The following SLAIN2 variants were observed in gnomAD, a reference collection of about 807,000 sequenced individuals.
SLAIN2 encodes the protein SLAIN family member 2.
A neutral mutation model predicts 56.6 loss-of-function variants in SLAIN2; 31 were observed. That is an observed-to-expected ratio of 0.55 (90% CI 0.41 to 0.74). The LOEUF is 0.74. Ranked by LOEUF, SLAIN2 falls within the 30% of genes least tolerant of loss-of-function variation. The pLI, the probability that SLAIN2 is intolerant of heterozygous loss-of-function variation, is 0.00. For missense variants in SLAIN2, 777 were observed against 754.2 expected, an observed-to-expected ratio of 1.03 and a Z score of -0.35; for synonymous variants, 317 against 284.9, an observed-to-expected ratio of 1.11 and a Z score of -1.13.
Position 48,421,995 on chromosome 4 carries a change from A to C in SLAIN2, c.1680-16A>C. On this transcript the variant is annotated splice_polypyrimidine_tract_variant and intron_variant, in intron 7 of 7. Transcript: ENST00000264313. ...GACATTTATCAAATTTTAATTACAA[A>C]ATTGCTTTATTACAGATCCTTGCCA... The C allele has an allele frequency of 6.3e-7, 1 of 1,587,818 alleles. No homozygotes were observed. The highest frequency in any genetic ancestry group is 8.6e-7 in the Non-Finnish European group (1 of 1,162,120).
At chr4:48,378,561 C>T (rs1715888398) in intron 3 of SLAIN2, among the ~76,000 whole-genome samples, 1 of 152,144 alleles carries the variant, frequency 6.6e-6, no homozygotes. Flanking sequence ...TATTGTGTAG[C>T]TTACTCTTCA....
chr4:48,345,251 G>T (rs772399288), intron 1 of SLAIN2, among the ~76,000 whole-genome samples: 26 of 152,128 alleles, frequency 1.7e-4, no homozygotes, highest in Non-Finnish European at 3.4e-4. Flanking sequence ...GACTACTGTG[G>T]TGTCACTGCT....
intron 2 of SLAIN2, among the ~76,000 whole-genome samples, chr4:48,373,323 A>G (rs1324997412): frequency 6.6e-6 from 1 of 152,154 alleles, no homozygotes. Flanking sequence ...GTGTTAACCA[A>G]TAACTTCCCA....
chr4:48,390,191 C>T (rs117894534), intron 6 of SLAIN2, among the ~76,000 whole-genome samples: 4,491 of 151,400 alleles, frequency 0.03, 74 homozygotes, highest in Admixed American at 0.046. Flanking sequence ...TCCCCTGCCT[C>T]AGCCTCCCTC....
At chr4:48,402,081 T>C (rs1716569823) in intron 6 of SLAIN2, among the ~76,000 whole-genome samples, 1 of 152,170 alleles carries the variant, frequency 6.6e-6, no homozygotes, top group Non-Finnish European at 1.5e-5. Context: ...TCTTAAGGAA[T>C]GTTGAATGTT....
At chr4:48,345,566 G>A (rs1050368715) in intron 1 of SLAIN2, among the ~76,000 whole-genome samples, 3 of 151,728 alleles carry the variant, frequency 2.0e-5, no homozygotes, top group Admixed American at 2.0e-4. Context: ...TGAGCCTGAA[G>A]TATCAACTTC....
intron 2 of SLAIN2, among the ~76,000 whole-genome samples, chr4:48,372,192 A>G (rs1342384465): frequency 1.3e-5 from 2 of 152,092 alleles, no homozygotes; most frequent in African/African-American, 4.8e-5. Context: ...TATAATAGGC[A>G]TTGTTCTCAA....
intron 1 of SLAIN2, among the ~76,000 whole-genome samples, chr4:48,350,228 C>T (rs1036953011): frequency 6.6e-6 from 1 of 152,136 alleles, no homozygotes; most frequent in African/African-American, 2.4e-5. Flanking sequence ...TGCTACTGCT[C>T]CTCAGTCCCC....
chr4:48,373,789 C>T lies in SLAIN2; in HGVS notation c.538+3792C>T, dbSNP rs191229050. Among the ~76,000 whole-genome samples the T allele has an allele frequency of 4.0e-3, 613 of 151,696 alleles. 4 individuals are homozygous for T. Among genetic ancestry groups the T allele is most frequent in the Non-Finnish European group, 6.7e-3 (455 of 68,020 alleles). On this transcript the variant is annotated intron_variant, in intron 2 of 7. Transcript: ENST00000264313. Reference sequence around the variant, plus strand: ...GGCGCAGTGGCTTACACCTGTAATCCCAGCACTTTGGGAGGCCAAGGTGGG... The same window carrying T: ...GGCGCAGTGGCTTACACCTGTAATCTCAGCACTTTGGGAGGCCAAGGTGGG...
In SLAIN2 at chr4:48,368,051, C is replaced by CTTT. The variant is rs36096623; in HGVS notation, c.390-1787_390-1785dup. Among the ~76,000 whole-genome samples, 6 of 88,848 alleles carry CTTT rather than the reference C, an allele frequency of 6.8e-5. 1 individual carries two copies. Among genetic ancestry groups the CTTT allele is most frequent in the Admixed American group, 4.6e-4 (3 of 6,574 alleles). The allele number at this position is 88,848 out of a possible 152,430, so 58.3% of individuals were successfully genotyped here. A position where few individuals can be genotyped will look rare whatever the true frequency, so the allele number is the denominator to read the frequency against. ...TTCACTGAACGTAGTGTTTTTGAGGCTTTTTTTTTTTTTGACAGTGTTGCT... is the reference window on the plus strand; with the variant it reads ...TTCACTGAACGTAGTGTTTTTGAGGCTTTTTTTTTTTTTTTTGACAGTGTTGCT... On this transcript the variant is annotated intron_variant, in intron 1 of 7. Coordinates refer to ENST00000264313, the MANE Select transcript of SLAIN2 (RefSeq NM_020846.2).
At chr4:48,351,296 A>G (rs888760766) in intron 1 of SLAIN2, among the ~76,000 whole-genome samples, 3 of 152,236 alleles carry the variant, frequency 2.0e-5, no homozygotes, top group African/African-American at 4.8e-5. Flanking sequence ...AATCGGTACT[A>G]TATTCTATAG....
Position 48,382,725 on chromosome 4 carries a change from C to T in SLAIN2, c.1020C>T (p.Asn340=). Residue 340 remains asparagine (N), a synonymous_variant, in exon 5 of 8, where the codon AAC becomes AAT. Transcript: ENST00000264313. ...ATCATGCAGTATACCCTGCTGTTAA[C>T]AGGTTTTCACCATCACCACGCAATT... is the stretch of plus-strand genomic sequence containing the variant. ...NMHHAVYPAV[N]RFSPSPRNSP... 2 of 1,613,754 alleles carry T rather than the reference C, an allele frequency of 1.2e-6. No homozygotes were observed. The highest frequency in any genetic ancestry group is 1.7e-6 in the Non-Finnish European group (2 of 1,179,850).
chr4:48,350,096 T>A (rs1259020034), intron 1 of SLAIN2, among the ~76,000 whole-genome samples: 1 of 152,250 alleles, frequency 6.6e-6, no homozygotes, highest in East Asian at 1.9e-4. Flanking sequence ...TTATCAGATC[T>A]ACCTAAATAA....
intron 6 of SLAIN2, among the ~76,000 whole-genome samples, chr4:48,404,479 A>G (rs971453444): frequency 3.3e-5 from 5 of 152,216 alleles, no homozygotes; most frequent in African/African-American, 4.8e-5. Flanking sequence ...GTTGTGTTCA[A>G]AACTAGCTTC....
intron 6 of SLAIN2, among the ~76,000 whole-genome samples, chr4:48,414,490 T>C (rs1716946450): frequency 6.6e-6 from 1 of 152,106 alleles, no homozygotes. Flanking sequence ...TTATATTGGC[T>C]CAGATTTATT....
chr4:48,404,832 T>C (rs1170198205), intron 6 of SLAIN2, among the ~76,000 whole-genome samples: 1 of 152,384 alleles, frequency 6.6e-6, no homozygotes, highest in Non-Finnish European at 1.5e-5. Context: ...AACCTCATTA[T>C]ATTTTTATTG....
chr4:48,382,913 A>G lies in SLAIN2; in HGVS notation c.1208A>G (p.Asn403Ser), dbSNP rs1174539770. 1.7e-5 allele frequency: 28 copies of G among 1,604,804 alleles called. No individual in the cohort carries two copies. Among genetic ancestry groups the G allele is most frequent in the African/African-American group, 2.7e-5 (2 of 74,702 alleles). The change falls in exon 5 of 8, where the codon AAT becomes AGT. Residue 403 changes from asparagine to serine, a missense_variant. Physicochemically the swap from Asn to Ser is conservative, Grantham distance 46 (BLOSUM62 1). Transcript: ENST00000264313. ...CATCCCACAGATTTACAGACAAGCA[A>G]TGTTAAAAATGAAGGTAAAATAGCA... Reference protein sequence around the residue: ...QGHPTDLQTSNVKNEEKLRRS... With the variant: ...QGHPTDLQTSSVKNEEKLRRS...
chr4:48,391,534 CT>C (rs1716236133), intron 6 of SLAIN2, among the ~76,000 whole-genome samples: 1 of 152,136 alleles, frequency 6.6e-6, no homozygotes, highest in Non-Finnish European at 1.5e-5. Flanking sequence ...AGCCGACCAA[CT>C]TGGTTTTATT....
chr4:48,371,711 T>C (rs1018564075), intron 2 of SLAIN2, among the ~76,000 whole-genome samples: 3 of 151,948 alleles, frequency 2.0e-5, no homozygotes, highest in Admixed American at 6.6e-5. Flanking sequence ...TCCCAGCTGA[T>C]TGGGAGGATC....
Sources: gnomAD v4.1 joint callset for allele counts (sites outside exome capture counted in the v4.1 genomes callset) on GRCh38, gnomAD v4.1.1 for gene constraint, MANE v1.5 for transcripts, NCBI Gene and HGNC (gene_info 2026-07-23, HGNC 2026-07-21) for gene names.